ST3GAL6: variants seen among roughly 807,000 people sequenced by gnomAD.
The protein encoded by ST3GAL6 is ST3 beta-galactoside alpha-2,3-sialyltransferase 6.
A neutral mutation model predicts 40.5 loss-of-function variants in ST3GAL6; 31 were observed. The observed-to-expected ratio is 0.77, with a 90% CI of 0.58 to 1.03. The LOEUF is 1.03. Among genes scored for constraint, ST3GAL6 ranks in the 50% least tolerant of loss-of-function variants. ST3GAL6 has a pLI of 0.00. For missense variants in ST3GAL6, 357 were observed against 393.2 expected (o/e 0.91, Z 0.78); for synonymous variants, 129 against 136.9 (o/e 0.94, Z 0.40).
intron 1 of ST3GAL6, among the ~76,000 whole-genome samples, chr3:98,767,131 A>G (rs1233271284): frequency 1.3e-5 from 2 of 152,222 alleles, no homozygotes; most frequent in South Asian, 2.1e-4. Context: ...AATAGCAGCA[A>G]GAACCAACAG....
intron 6 of ST3GAL6, among the ~76,000 whole-genome samples, chr3:98,787,358 T>C (rs1559754092): frequency 6.6e-6 from 1 of 152,168 alleles, no homozygotes; most frequent in Non-Finnish European, 1.5e-5. Context: ...ATTTATCTCT[T>C]TGGGGACACT....
intron 2 of ST3GAL6, among the ~76,000 whole-genome samples, chr3:98,769,814 CTG>C (rs71916076): frequency 0.33 from 50,356 of 151,958 alleles, 8,643 homozygotes; most frequent in South Asian, 0.44. Context: ...TATCCTAAAA[CTG>C]TTTTCTATGT....
chr3:98,767,509 A>C (rs1379070604), intron 1 of ST3GAL6, among the ~76,000 whole-genome samples: 2 of 152,246 alleles, frequency 1.3e-5, no homozygotes, highest in Non-Finnish European at 2.9e-5. Context: ...TGGCACATGC[A>C]GTTGTTTAGA....
Position 98,795,121 on chromosome 3 carries a change from T to C in ST3GAL6, c.*1360T>C, listed in dbSNP as rs1168874414. 1 of 151,794 alleles carries C rather than the reference T, an allele frequency of 6.6e-6. No individual in the cohort carries two copies. The highest frequency in any genetic ancestry group is 1.5e-5 in the Non-Finnish European group (1 of 67,994). The allele number at this position is 151,794 out of a possible 1,614,324, so 9.4% of individuals were successfully genotyped here. A position where few individuals can be genotyped will look rare whatever the true frequency, so the allele number is the denominator to read the frequency against. On this transcript the variant is annotated 3_prime_UTR_variant, in exon 10 of 10. Transcript: ENST00000483910. Reference sequence around the variant, plus strand: ...AATGTAACCAAAGGCCATCTGGAGGTAGGGGAATGAGAGGTGAAGAAACAG... The same window carrying C: ...AATGTAACCAAAGGCCATCTGGAGGCAGGGGAATGAGAGGTGAAGAAACAG...
chr3:98,788,369 A>G lies in ST3GAL6; in HGVS notation c.662A>G (p.Tyr221Cys), dbSNP rs1940926589. ...FWKKPALNLI[Y>C]KPYQIRILDP... is the part of the protein sequence containing the mutation. ...AAGAAACCAGCCTTAAACCTGATTTATAAACCTTATCAAATCCGAATATTA... is the reference window on the plus strand; with the variant it reads ...AAGAAACCAGCCTTAAACCTGATTTGTAAACCTTATCAAATCCGAATATTA... The change falls in exon 8 of 10, where the codon TAT (tyrosine) becomes TGT (cysteine). Residue 221 changes from tyrosine to cysteine, a missense_variant. Tyr to Cys is a radical substitution (Grantham distance 194). Transcript: ENST00000483910. The G allele has an allele frequency of 1.2e-6, 2 of 1,613,026 alleles. No homozygotes were observed. The highest frequency in any genetic ancestry group is 1.3e-5 in the African/African-American group (1 of 74,870).
chr3:98,751,514 A>G (rs930247305), intron 1 of ST3GAL6, among the ~76,000 whole-genome samples: 1 of 152,230 alleles, frequency 6.6e-6, no homozygotes, highest in Non-Finnish European at 1.5e-5. Context: ...ATATATGAAA[A>G]TAAGCACTTT....
At chr3:98,766,677 T>C (rs546717559) in intron 1 of ST3GAL6, among the ~76,000 whole-genome samples, 2 of 152,324 alleles carry the variant, frequency 1.3e-5, no homozygotes, top group African/African-American at 4.8e-5. Context: ...TGCCTCAGCC[T>C]CCCAAAGTGC....
chr3:98,740,265 G>T, intron 1 of ST3GAL6, among the ~76,000 whole-genome samples: 1 of 137,686 alleles, frequency 7.3e-6, no homozygotes, highest in African/African-American at 2.8e-5. Flanking sequence ...TGATGTGTAT[G>T]GTTCTTCTGC....
At chr3:98,756,390 C>T (rs1937420611) in intron 1 of ST3GAL6, 1 of 1,288,992 alleles carries the variant, frequency 7.8e-7, no homozygotes, top group East Asian at 5.5e-5. Flanking sequence ...GAGGAAGCAG[C>T]ACAACCCTGG....
chr3:98,739,138 C>T (rs940091783), intron 1 of ST3GAL6, among the ~76,000 whole-genome samples: 3 of 152,164 alleles, frequency 2.0e-5, no homozygotes, highest in Admixed American at 2.0e-4. Context: ...GAAATCAGTT[C>T]TCTGAAACTA....
At chr3:98,774,363 A>G (rs1305796520) in intron 5 of ST3GAL6, among the ~76,000 whole-genome samples, 1 of 152,132 alleles carries the variant, frequency 6.6e-6, no homozygotes, top group Non-Finnish European at 1.5e-5. Flanking sequence ...TACTGATGAG[A>G]TTCTTTCTGT....
intron 1 of ST3GAL6, among the ~76,000 whole-genome samples, chr3:98,735,618 A>G (rs1935477473): frequency 6.6e-6 from 1 of 152,212 alleles, no homozygotes; most frequent in South Asian, 2.1e-4. Flanking sequence ...GTTACCTGGA[A>G]GAGGTTTTCC....
intron 1 of ST3GAL6, among the ~76,000 whole-genome samples, chr3:98,744,140 G>A (rs952912710): frequency 6.6e-6 from 1 of 152,200 alleles, no homozygotes; most frequent in Non-Finnish European, 1.5e-5. Context: ...CCCAAGATTG[G>A]TGGCAGAGCC....
At chr3:98,786,041 G>A (rs4426626) in intron 6 of ST3GAL6, among the ~76,000 whole-genome samples, 65,097 of 151,868 alleles carry the variant, frequency 0.43, 14,109 homozygotes, top group Non-Finnish European at 0.45. Flanking sequence ...TTAAGTTGGG[G>A]AAGACTGGTA....
Position 98,788,183 on chromosome 3 carries a change from T to G in ST3GAL6, c.579T>G (p.Asp193Glu). The G allele has an allele frequency of 6.2e-7, 1 of 1,612,676 alleles. No homozygotes were observed. The part of the protein sequence containing the change: ...TVILTAFKPH[D>E]LRWLLELLMG... Reference sequence around the variant, plus strand: ...TTCTCACTGCTTTTAAGCCACATGATTTAAGGTGGCTGTTGGAATTGTTGA... The same window carrying G: ...TTCTCACTGCTTTTAAGCCACATGAGTTAAGGTGGCTGTTGGAATTGTTGA... The change falls in exon 7 of 10, where the codon GAT (aspartate) becomes GAG (glutamate). Residue 193 changes from aspartate (D) to glutamate (E), a missense_variant. Physicochemically the swap from Asp to Glu is conservative, Grantham distance 45. Coordinates refer to ENST00000483910, the MANE Select transcript of ST3GAL6 (RefSeq NM_001323368.2).
intron 1 of ST3GAL6, among the ~76,000 whole-genome samples, chr3:98,744,979 C>T (rs1032999351): frequency 2.6e-5 from 4 of 151,888 alleles, no homozygotes; most frequent in Non-Finnish European, 5.9e-5. Flanking sequence ...ATGTTCCTTA[C>T]TCATTGAAAG....
chr3:98,761,441 C>G (rs1304253299), upstream of ST3GAL6, among the ~76,000 whole-genome samples: 2 of 152,084 alleles, frequency 1.3e-5, no homozygotes, highest in African/African-American at 4.8e-5. Context: ...AACCCCATCT[C>G]TATTAAAAAT....
chr3:98,779,406 G>T (rs779752018), intron 5 of ST3GAL6, among the ~76,000 whole-genome samples: 7 of 152,190 alleles, frequency 4.6e-5, no homozygotes, highest in Non-Finnish European at 8.8e-5. Context: ...GGGGTAATGG[G>T]TGTTGGGAAT....
At chr3:98,763,016 G>A (rs915039594), upstream of ST3GAL6, 1 of 985,260 alleles carries the variant, frequency 1.0e-6, no homozygotes, top group Non-Finnish European at 1.2e-6. Flanking sequence ...TTAGTAATAA[G>A]GACCAAACCT....
Sources: allele counts gnomAD v4.1 joint callset (sites outside exome capture counted in the v4.1 genomes callset), GRCh38; gene constraint gnomAD v4.1.1; transcripts MANE v1.5; gene names NCBI Gene and HGNC (gene_info 2026-07-23, HGNC 2026-07-21).